MEIS2: variants seen among roughly 807,000 people sequenced by gnomAD.
The protein encoded by MEIS2 is Meis homeobox 2, also known as homeobox protein Meis2.
In MEIS2, 9 loss-of-function variants were observed where a neutral mutation model predicts 58.6. The ratio of observed to expected loss-of-function variants is 0.15; its 90% CI spans 0.09 to 0.27. The LOEUF (loss-of-function observed/expected upper bound fraction) is 0.27. MEIS2 is among the 10% of genes least tolerant of loss of function. The pLI is 1.00. For synonymous variants in MEIS2, 221 were observed against 228.4 expected (o/e 0.97, Z 0.29); for missense variants, 427 against 635.0 (o/e 0.67, Z 3.52).
intron 9 of MEIS2, among the ~76,000 whole-genome samples, chr15:36,948,814 TA>T (rs2058661255): frequency 1.3e-5 from 2 of 152,014 alleles, no homozygotes; most frequent in Non-Finnish European, 2.9e-5. Context: ...TATCAATGTA[TA>T]ATCACATACA....
At chr15:36,984,287 T>C (rs1276214374) in intron 8 of MEIS2, among the ~76,000 whole-genome samples, 1 of 152,066 alleles carries the variant, frequency 6.6e-6, no homozygotes, top group Non-Finnish European at 1.5e-5. Flanking sequence ...GCTTGTCATA[T>C]ATGGCCTTTA....
chr15:36,995,619 T>TG (rs1328485688), intron 8 of MEIS2, among the ~76,000 whole-genome samples: 2 of 144,020 alleles, frequency 1.4e-5, no homozygotes, highest in Non-Finnish European at 3.0e-5. Context: ...GGGTTTTTTT[T>TG]TTTCTTCAGC....
At chr15:37,054,660 T>C (rs940092) in intron 7 of MEIS2, among the ~76,000 whole-genome samples, 147,394 of 152,280 alleles carry the variant, frequency 0.97, 71,515 homozygotes, top group East Asian at 1. Context: ...CTCAAGCGAT[T>C]CTCCTGTCTC....
At chr15:37,003,481 G>A (rs916268283) in intron 8 of MEIS2, among the ~76,000 whole-genome samples, 4 of 151,864 alleles carry the variant, frequency 2.6e-5, no homozygotes, top group East Asian at 1.9e-4. Flanking sequence ...ATCAATAAAA[G>A]GCAAGAGTTC....
At chr15:37,005,597 T>G (rs2060893049) in intron 8 of MEIS2, among the ~76,000 whole-genome samples, 1 of 152,164 alleles carries the variant, frequency 6.6e-6, no homozygotes, top group Admixed American at 6.5e-5. Context: ...AAGGTCTCCC[T>G]CTGTCAACCA....
Position 37,099,551 on chromosome 15 carries a change from C to CTTT in MEIS2, c.-88_-86dup. The CTTT allele has an allele frequency of 1.2e-5, 14 of 1,198,226 alleles. No homozygotes were observed. The highest frequency in any genetic ancestry group is 3.1e-5 in the South Asian group (2 of 65,360). The allele number at this position is 1,198,226 out of a possible 1,614,324, so 74.2% of individuals were successfully genotyped here. ...AGAAAGTGATCTAGGCTGAAGATTC[C>CTTT]TTTTTTTTTTTTCCAAACCAAAGAG... On this transcript the variant is annotated 5_prime_UTR_variant, in exon 1 of 12. Transcript: ENST00000561208.
At chr15:36,974,796 C>T (rs924903101) in intron 8 of MEIS2, among the ~76,000 whole-genome samples, 6 of 152,150 alleles carry the variant, frequency 3.9e-5, no homozygotes, top group African/African-American at 7.2e-5. Context: ...GTTTCTCTGG[C>T]GTTTTGGGGT....
intron 7 of MEIS2, among the ~76,000 whole-genome samples, chr15:37,070,839 T>C (rs1890605289): frequency 6.6e-6 from 1 of 152,098 alleles, no homozygotes; most frequent in African/African-American, 2.4e-5. Flanking sequence ...TTTAAGTGCC[T>C]AAAGTACTTT....
intron 8 of MEIS2, among the ~76,000 whole-genome samples, chr15:36,977,578 G>A (rs2059799604): frequency 6.6e-6 from 1 of 152,122 alleles, no homozygotes; most frequent in Non-Finnish European, 1.5e-5. Flanking sequence ...AATTCCTGTA[G>A]TAAAGTATTT....
chr15:37,083,579 G>T (rs1050321116), intron 7 of MEIS2, among the ~76,000 whole-genome samples, 192 bp downstream of exon 7: 1 of 152,104 alleles, frequency 6.6e-6, no homozygotes, highest in African/African-American at 2.4e-5. Flanking sequence ...AGATTAGACA[G>T]CTCACTTTGA....
At chr15:36,949,814 G>T (rs1178590712) in intron 9 of MEIS2, among the ~76,000 whole-genome samples, 1 of 151,688 alleles carries the variant, frequency 6.6e-6, no homozygotes, top group African/African-American at 2.4e-5. Flanking sequence ...CTACCAAATC[G>T]CAAAAATGGA....
chr15:37,097,128 T>C (rs547194112), intron 2 of MEIS2: 1 of 152,238 alleles, frequency 6.6e-6, no homozygotes, highest in Non-Finnish European at 1.5e-5. Flanking sequence ...TTTAAAACTT[T>C]AAGTGTGCGT....
chr15:36,901,557 TG>T (rs1414986381), intron 9 of MEIS2, among the ~76,000 whole-genome samples: 1 of 152,176 alleles, frequency 6.6e-6, no homozygotes, highest in African/African-American at 2.4e-5. Context: ...GAGATTCATA[TG>T]TTACTTAGGG....
chr15:36,937,469 C>T (rs1004258609), intron 9 of MEIS2, among the ~76,000 whole-genome samples: 8 of 152,150 alleles, frequency 5.3e-5, no homozygotes, highest in African/African-American at 1.7e-4. Flanking sequence ...TATCAAAATA[C>T]CAGGATAAGG....
intron 8 of MEIS2, among the ~76,000 whole-genome samples, chr15:36,982,476 G>A (rs2059959377): frequency 2.0e-5 from 3 of 152,092 alleles, no homozygotes; most frequent in Admixed American, 2.0e-4. Flanking sequence ...CAAATGACAG[G>A]ATTTTCTTCT....
intron 7 of MEIS2, among the ~76,000 whole-genome samples, chr15:37,069,509 G>C (rs991002501): frequency 2.0e-5 from 3 of 152,120 alleles, no homozygotes; most frequent in African/African-American, 7.2e-5. Flanking sequence ...CAAAATTGGA[G>C]AGACAAGGTA....
At chr15:37,072,318 G>A (rs1157966803) in intron 7 of MEIS2, among the ~76,000 whole-genome samples, 1 of 152,062 alleles carries the variant, frequency 6.6e-6, no homozygotes, top group African/African-American at 2.4e-5. Flanking sequence ...CCACTGGAAA[G>A]TCCTGGTTGT....
At chr15:36,915,723 T>A (rs547084843) in intron 9 of MEIS2, among the ~76,000 whole-genome samples, 1 of 152,164 alleles carries the variant, frequency 6.6e-6, no homozygotes, top group East Asian at 1.9e-4. Context: ...TTCATTTAAG[T>A]GAAGCAAACA....
Position 37,100,429 on chromosome 15 carries a change from A to G in MEIS2, c.-963T>C. 1 of 152,998 alleles carries G rather than the reference A, an allele frequency of 6.5e-6. No individual in the cohort carries two copies. The highest frequency in any genetic ancestry group is 1.9e-4 in the East Asian group (1 of 5,134). The allele number at this position is 152,998 out of a possible 1,614,324, so 9.5% of individuals were successfully genotyped here. ...CGCGGGTCGGCGGCGGGAGAACGAA[A>G]TGACGGAACCCGGAAGTCGTGGTGG... On this transcript the variant is annotated 5_prime_UTR_variant, in exon 1 of 12. Coordinates refer to ENST00000561208, the MANE Select transcript of MEIS2 (RefSeq NM_170675.5).
Sources: allele counts gnomAD v4.1 joint callset (sites outside exome capture counted in the v4.1 genomes callset), GRCh38; gene constraint gnomAD v4.1.1; transcripts MANE v1.5; gene names NCBI Gene and HGNC (gene_info 2026-07-23, HGNC 2026-07-21).